Variants in ZFX observed in about 807,000 individuals in gnomAD.
ZFX encodes zinc finger protein X-linked, also known as zinc finger X-chromosomal protein.
For synonymous variants in ZFX, 196 were observed against 226.8 expected, an observed-to-expected ratio of 0.86 and a Z score of 1.22; for missense variants, 362 against 628.3, an observed-to-expected ratio of 0.58 and a Z score of 4.53.
At chrX:24,179,117 A>C (rs1935441089) in intron 4 of ZFX, 66 bp from the exon 5 acceptor site, 1 of 960,497 alleles carries the variant, frequency 1.0e-6, no homozygotes, top group Admixed American at 2.8e-5. Context: ...GAAATTAAGT[A>C]ACATTTACGT....
At chrX:24,208,416 A>C (rs1439514533) in intron 8 of ZFX, 46 bp downstream of exon 8, 9 of 1,187,070 alleles carry the variant, frequency 7.6e-6, no homozygotes, top group Non-Finnish European at 1.0e-5. Flanking sequence ...TGGTTCTTAA[A>C]CATGAATCCA....
At chrX:24,157,173 T>A (rs1182194264) in intron 3 of ZFX, among the ~76,000 whole-genome samples, 3 of 112,333 alleles carry the variant, frequency 2.7e-5, no homozygotes, top group Admixed American at 9.5e-5. Flanking sequence ...TGCTACTACT[T>A]TTCATAAAGC....
intron 3 of ZFX, among the ~76,000 whole-genome samples, chrX:24,164,956 AT>A (rs1270289868): frequency 7.3e-5 from 8 of 109,173 alleles, no homozygotes; most frequent in Non-Finnish European, 1.5e-4. Flanking sequence ...AAAAAAAAAA[AT>A]TTAGAGTGTT....
At position 24,213,135 on chromosome X, in the gene ZFX, GACCT is replaced by G. The variant is rs1938217584; in HGVS notation, c.*1760_*1763del. 1.8e-5 allele frequency: 2 copies of G among 111,821 alleles called. No individual in the cohort carries two copies. The highest frequency in any genetic ancestry group is 6.5e-5 in the African/African-American group (2 of 30,727). The allele number at this position is 111,821 out of a possible 1,213,427, so 9.2% of individuals were successfully genotyped here. The stretch of plus-strand genomic sequence containing the variant: ...CTTGGCCAGGCTGGTCTTGAACCCT[GACCT>G]CGTGATCCACCTGCCTCGGCCTTCC... On this transcript the variant is annotated 3_prime_UTR_variant, in exon 10 of 10. Coordinates refer to ENST00000304543, the MANE Select transcript of ZFX (RefSeq NM_003410.4).
At chrX:24,201,530 T>C (rs188988817) in intron 5 of ZFX, among the ~76,000 whole-genome samples, 2 of 112,282 alleles carry the variant, frequency 1.8e-5, no homozygotes, top group Admixed American at 1.9e-4. Flanking sequence ...TTAGAATCAG[T>C]TTTGACAAGC....
chrX:24,208,118 C>A (rs1273521688), intron 7 of ZFX, 100 bp from the exon 8 acceptor site: 23 of 1,044,014 alleles, frequency 2.2e-5, no homozygotes, highest in Non-Finnish European at 1.3e-6. Context: ...AATATTTGGA[C>A]CATCTTTCCA....
chrX:24,206,089 G>T (rs1937565561), intron 5 of ZFX, among the ~76,000 whole-genome samples: 1 of 110,801 alleles, frequency 9.0e-6, no homozygotes, highest in South Asian at 3.8e-4. Context: ...TGCTGCATTT[G>T]CCAGCAAGGA....
intron 4 of ZFX, among the ~76,000 whole-genome samples, chrX:24,178,424 G>A (rs1437833604): frequency 9.3e-6 from 1 of 107,879 alleles, no homozygotes; most frequent in Non-Finnish European, 1.9e-5. Context: ...AAGTAACTGG[G>A]ACTACAGGCG....
rs6629817 is a variant in ZFX, at chrX:24,199,069, T to G, written c.647-8257T>G. Among the ~76,000 whole-genome samples the G allele has an allele frequency of 0.042, 4,685 of 110,443 alleles. 356 individuals carry two copies. In the East Asian group the frequency reaches 0.48, roughly 11 times the overall value. ...GCAAAAGAGTGAGGAGGCATGGTCTTGGTTAGTGAGGTGAGAGGAAACCAA... is the reference window on the plus strand; with the variant it reads ...GCAAAAGAGTGAGGAGGCATGGTCTGGGTTAGTGAGGTGAGAGGAAACCAA... On this transcript the variant is annotated intron_variant, in intron 5 of 9. Coordinates refer to ENST00000304543, the MANE Select transcript of ZFX (RefSeq NM_003410.4).
chrX:24,157,919 C>T (rs938122859), intron 3 of ZFX, among the ~76,000 whole-genome samples: 2 of 111,099 alleles, frequency 1.8e-5, no homozygotes, highest in Admixed American at 9.6e-5. Flanking sequence ...CTGCCACGCC[C>T]AGCTAATTTT....
chrX:24,162,166 T>G (rs1194209712), intron 3 of ZFX, among the ~76,000 whole-genome samples: 1 of 111,360 alleles, frequency 9.0e-6, no homozygotes, highest in Non-Finnish European at 1.9e-5. Context: ...AGGCAGAGGT[T>G]GTGGTGAGCT....
intron 5 of ZFX, among the ~76,000 whole-genome samples, chrX:24,202,694 A>T (rs1249780211): frequency 9.0e-6 from 1 of 111,712 alleles, no homozygotes; most frequent in Admixed American, 9.5e-5. Context: ...CACACTGCAG[A>T]TTCTCACTGC....
rs746352434 is a variant in ZFX at position 24,156,804 on chromosome X, G to A, written c.-29+3974G>A. 4.5e-5 allele frequency among the ~76,000 whole-genome samples: 5 copies of A among 109,897 alleles called. No individual in the cohort carries two copies. In the South Asian group the frequency reaches 1.6e-3, roughly 35 times the overall value. The stretch of plus-strand genomic sequence containing the variant: ...CGAGTAGCTGGGACTACAGGCGCCC[G>A]CAACCACGCCCGGCTAATTTTTTGT... On this transcript the variant is annotated intron_variant, in intron 3 of 9. Coordinates refer to ENST00000304543, the MANE Select transcript of ZFX (RefSeq NM_003410.4).
intron 4 of ZFX, 34 bp downstream of exon 4, chrX:24,172,834 A>G: frequency 8.6e-7 from 1 of 1,158,291 alleles, no homozygotes; most frequent in Non-Finnish European, 1.2e-6. Context: ...CTTCCCATCT[A>G]CCAGATTTGG....
intron 3 of ZFX, among the ~76,000 whole-genome samples, chrX:24,160,092 A>T (rs1310589623): frequency 3.6e-5 from 4 of 110,264 alleles, no homozygotes; most frequent in Non-Finnish European, 7.6e-5. Flanking sequence ...TGGATTTTTT[A>T]ACATAGTTAT....
intron 5 of ZFX, among the ~76,000 whole-genome samples, chrX:24,182,051 G>C (rs1935730859): frequency 2.7e-5 from 3 of 110,837 alleles, no homozygotes; most frequent in Non-Finnish European, 5.7e-5. Flanking sequence ...AAGAGGCTAG[G>C]GGTTTGAGGA....
At chrX:24,172,964 A>G (rs1934766481) in intron 4 of ZFX, 164 bp downstream of exon 4, 2 of 410,185 alleles carry the variant, frequency 4.9e-6, no homozygotes. Flanking sequence ...CTCCTCAAAG[A>G]TGTGGCTCCC....
At chrX:24,168,613 C>G (rs1315905820) in intron 3 of ZFX, among the ~76,000 whole-genome samples, 2 of 107,901 alleles carry the variant, frequency 1.9e-5, no homozygotes, top group African/African-American at 6.7e-5. Flanking sequence ...TGTGAATTTC[C>G]TGGGTTCTCC....
rs1248993560 is a variant in ZFX at position 24,179,270 on chromosome X, T to C, written c.146T>C (p.Ile49Thr). The C allele has an allele frequency of 8.3e-7, 1 of 1,211,826 alleles. No individual in the cohort carries two copies. The highest frequency in any genetic ancestry group is 3.0e-5 in the East Asian group (1 of 33,869). ...VFVSDVVDSD[I>T]TVHNFVPDDP... ...GTTTCAGATGTTGTGGATTCAGACA[T>C]AACTGTGCATAACTTTGTTCCTGAT... Residue 49 changes from isoleucine (I) to threonine (T), a missense_variant, in exon 5 of 10, where the codon ATA becomes ACA. Ile to Thr is a moderately conservative substitution (Grantham distance 89). Transcript: ENST00000304543.
Sources: gnomAD v4.1 joint callset for allele counts (sites outside exome capture counted in the v4.1 genomes callset) on GRCh38, gnomAD v4.1.1 for gene constraint, MANE v1.5 for transcripts, NCBI Gene and HGNC (gene_info 2026-07-23, HGNC 2026-07-21) for gene names.